The following ANK1 variants were observed in gnomAD, a reference collection of about 807,000 sequenced individuals.
ANK1 encodes ankyrin 1.
Under a neutral mutation model 210.4 loss-of-function variants are expected in ANK1, and 51 were observed. The observed-to-expected ratio is 0.24, with a 90% CI of 0.19 to 0.31. The LOEUF (loss-of-function observed/expected upper bound fraction) is 0.31. ANK1 is among the 10% of genes least tolerant of loss of function. The pLI is 1.00. For missense variants in ANK1, 2,051 were observed against 2,504.4 expected, an observed-to-expected ratio of 0.82 and a Z score of 3.86; for synonymous variants, 967 against 1,025.9, an observed-to-expected ratio of 0.94 and a Z score of 1.10.
chr8:41,827,283 A>G (rs72640341), intron 1 of ANK1, among the ~76,000 whole-genome samples: 9 of 152,356 alleles, frequency 5.9e-5, no homozygotes, highest in Non-Finnish European at 8.8e-5. Flanking sequence ...TACAGGACTC[A>G]CATCTTGCGT....
chr8:41,790,348 T>C (rs1847385227), intron 1 of ANK1, among the ~76,000 whole-genome samples: 1 of 152,136 alleles, frequency 6.6e-6, no homozygotes, highest in African/African-American at 2.4e-5. Flanking sequence ...GGTTTCACCA[T>C]GTTGGCCATG....
chr8:41,696,327 G>C (rs1820924711), intron 26 of ANK1, 36 bp downstream of exon 26: 2 of 1,606,270 alleles, frequency 1.2e-6, no homozygotes, highest in South Asian at 1.1e-5. Context: ...GTGGCACAGG[G>C]ACAGGGGAGA....
intron 23 of ANK1, 88 bp from the exon 24 acceptor site, chr8:41,698,209 G>A (rs1044139351): frequency 1.4e-5 from 19 of 1,395,898 alleles, no homozygotes; most frequent in Middle Eastern, 1.8e-4. Context: ...CTCTCCCTCC[G>A]GCTTTCCACT....
chr8:41,703,422 G>GTGTGTGTATATA (rs1286560913), intron 20 of ANK1, among the ~76,000 whole-genome samples: 15 of 53,758 alleles, frequency 2.8e-4, no homozygotes, highest in South Asian at 2.1e-3. Context: ...GTGTGTGTGT[G>GTGTGTGTATATA]TATATATATA....
At chr8:41,683,219 G>A (rs920802773) in intron 37 of ANK1, among the ~76,000 whole-genome samples, 7 of 152,176 alleles carry the variant, frequency 4.6e-5, no homozygotes, top group Non-Finnish European at 7.3e-5. Flanking sequence ...TGCGCCTGCC[G>A]AAATGGGGAC....
intron 1 of ANK1, among the ~76,000 whole-genome samples, chr8:41,871,536 G>T (rs1218886952): frequency 6.6e-6 from 1 of 152,164 alleles, no homozygotes; most frequent in Non-Finnish European, 1.5e-5. Flanking sequence ...AGCACCATAC[G>T]AAGAAGATCG....
intron 1 of ANK1, among the ~76,000 whole-genome samples, chr8:41,886,413 G>T (rs949560923): frequency 2.0e-5 from 3 of 152,188 alleles, no homozygotes; most frequent in Non-Finnish European, 2.9e-5. Flanking sequence ...TGAGCAACTT[G>T]CTCAAAGCCA....
chr8:41,816,029 T>G (rs1803266342), intron 1 of ANK1, among the ~76,000 whole-genome samples: 1 of 152,348 alleles, frequency 6.6e-6, no homozygotes, highest in Admixed American at 6.5e-5. Context: ...AGACATATTA[T>G]AAAACATTAT....
intron 1 of ANK1, among the ~76,000 whole-genome samples, chr8:41,887,040 C>T (rs1353248333): frequency 6.6e-6 from 1 of 152,124 alleles, no homozygotes; most frequent in Admixed American, 6.5e-5. Flanking sequence ...ACCTACTTGG[C>T]TCTAGTCCAC....
chr8:41,659,457 C>T (rs1048063985), intron 42 of ANK1, among the ~76,000 whole-genome samples: 12 of 152,168 alleles, frequency 7.9e-5, no homozygotes, highest in African/African-American at 2.9e-4. Context: ...TTTGGGGCTA[C>T]AGATAAATGT....
At chr8:41,708,323 A>G (rs1309121226) in intron 17 of ANK1, among the ~76,000 whole-genome samples, 2 of 152,164 alleles carry the variant, frequency 1.3e-5, no homozygotes, top group Non-Finnish European at 2.9e-5. Context: ...GCAATTTTAG[A>G]AGGCTTTATC....
At position 41,703,937 on chromosome 8, in the gene ANK1, C is replaced by G. The variant is rs1387957304; in HGVS notation, c.2295+104G>C. On this transcript the variant is annotated intron_variant, in intron 20 of 42. Coordinates refer to ENST00000289734, the MANE Select transcript of ANK1 (RefSeq NM_000037.4). ...TGGCTTTAGGGTGCTGCGGCCCCGT[C>G]CAGGCCCTAGACACGTGCATTAACC... The G allele has an allele frequency of 7.2e-6, 8 of 1,116,570 alleles. No homozygotes were observed. In the Admixed American group the frequency reaches 1.4e-4, roughly 19 times the overall value. 69.2% of individuals were successfully genotyped at this position (1,116,570 alleles called of 1,614,324 possible).
At chr8:41,746,522 TCA>T (rs1350101604) in intron 2 of ANK1, among the ~76,000 whole-genome samples, 2 of 152,194 alleles carry the variant, frequency 1.3e-5, no homozygotes, top group Non-Finnish European at 2.9e-5. Flanking sequence ...CGCTTAGGAT[TCA>T]CAGTTTGCTG....
chr8:41,688,407 C>G, intron 34 of ANK1, 104 bp downstream of exon 34: 1 of 1,466,720 alleles, frequency 6.8e-7, no homozygotes, highest in African/African-American at 1.4e-5. Flanking sequence ...ACTGGCTGAG[C>G]GAGCGGCACC....
intron 17 of ANK1, among the ~76,000 whole-genome samples, chr8:41,707,244 A>G (rs1824841787): frequency 2.0e-5 from 3 of 152,266 alleles, no homozygotes; most frequent in Admixed American, 6.5e-5. Flanking sequence ...GCAGTAAGGT[A>G]TCAGAGATGT....
intron 1 of ANK1, among the ~76,000 whole-genome samples, chr8:41,867,990 G>C (rs1026901009): frequency 6.6e-6 from 1 of 152,140 alleles, no homozygotes; most frequent in Non-Finnish European, 1.5e-5. Flanking sequence ...CTCCCAAGTA[G>C]CTGGGATTAC....
chr8:41,845,561 A>C (rs1376542868), intron 1 of ANK1, among the ~76,000 whole-genome samples: 1 of 151,798 alleles, frequency 6.6e-6, no homozygotes, highest in Non-Finnish European at 1.5e-5. Flanking sequence ...CTTTGGGGAG[A>C]AGAGTCTGGG....
chr8:41,787,399 C>A (rs1022472733), intron 1 of ANK1, among the ~76,000 whole-genome samples: 2 of 152,282 alleles, frequency 1.3e-5, no homozygotes, highest in South Asian at 4.1e-4. Flanking sequence ...CTAGGTCAGA[C>A]CCTGCCACTT....
At position 41,694,447 on chromosome 8, in the gene ANK1, C is replaced by A; in HGVS notation, c.3327+145G>T. ...ACCTCACCCCTTCCCACTTAACTCTCCTTTGAGCTTTAAACTCAGATCTCC... is the reference window on the plus strand; with the variant it reads ...ACCTCACCCCTTCCCACTTAACTCTACTTTGAGCTTTAAACTCAGATCTCC... On this transcript the variant is annotated intron_variant, in intron 28 of 42. Transcript: ENST00000289734. This position sits in a 1 kb window ranked among gnomAD's most constrained non-coding sequence, Gnocchi z 5.7. The A allele has an allele frequency of 2.2e-6, 2 of 904,026 alleles. No individual in the cohort carries two copies. The highest frequency in any genetic ancestry group is 3.4e-6 in the Non-Finnish European group (2 of 589,340). The allele number at this position is 904,026 out of a possible 1,614,324, so 56.0% of individuals were successfully genotyped here. A position where few individuals can be genotyped will look rare whatever the true frequency, so the allele number is the denominator to read the frequency against.
Sources: allele counts gnomAD v4.1 joint callset (sites outside exome capture counted in the v4.1 genomes callset), GRCh38; gene constraint gnomAD v4.1.1; non-coding constraint Gnocchi (gnomAD v3.1); transcripts MANE v1.5; gene names NCBI Gene and HGNC (gene_info 2026-07-23, HGNC 2026-07-21).